Variants in ASIC2 observed in about 807,000 individuals in gnomAD.
ASIC2 encodes acid sensing ion channel subunit 2, also known as acid-sensing ion channel 2.
In ASIC2, 25 loss-of-function variants were observed where a neutral mutation model predicts 57.3. The observed-to-expected ratio is 0.44, with a 90% CI of 0.32 to 0.61. ASIC2 has a LOEUF of 0.61. Among genes scored for constraint, ASIC2 ranks in the 20% least tolerant of loss-of-function variants. The pLI is 0.06. For synonymous variants in ASIC2, 319 were observed against 307.5 expected, an observed-to-expected ratio of 1.04 and a Z score of -0.39; for missense variants, 641 against 738.1, an observed-to-expected ratio of 0.87 and a Z score of 1.52.
chr17:33,712,823 T>A (rs1022421873), intron 1 of ASIC2, among the ~76,000 whole-genome samples: 10 of 151,184 alleles, frequency 6.6e-5, no homozygotes, highest in African/African-American at 2.4e-4. Flanking sequence ...TTTTTTGTAT[T>A]TTTAGTAGAG....
intron 1 of ASIC2, among the ~76,000 whole-genome samples, chr17:34,135,021 A>G (rs1912089521): frequency 6.6e-6 from 1 of 152,256 alleles, no homozygotes; most frequent in African/African-American, 2.4e-5. Context: ...AAGACTGGTG[A>G]CTGTAGAGTG....
intron 1 of ASIC2, among the ~76,000 whole-genome samples, chr17:33,865,769 A>AC (rs1466969044): frequency 5.4e-4 from 43 of 79,420 alleles, no homozygotes; most frequent in Admixed American, 1.6e-3. Flanking sequence ...TAAAAAAAAA[A>AC]AACAAAAAAA....
rs186476858 is a variant in ASIC2, at chr17:34,080,170, G to T, written c.555+75808C>A. Among the ~76,000 whole-genome samples the T allele has an allele frequency of 1.0e-3, 152 of 152,290 alleles. 4 individuals carry two copies. The highest frequency in any genetic ancestry group is 3.5e-3 in the African/African-American group (144 of 41,550). On this transcript the variant is annotated intron_variant, in intron 1 of 9. Transcript: ENST00000359872. ...TAAAAGGGACCATTAATAGCCTCTT[G>T]AAAGGAAAAGAAAATACCACCAAAA...
intron 1 of ASIC2, among the ~76,000 whole-genome samples, chr17:33,249,054 G>A (rs967875771): frequency 6.6e-6 from 1 of 152,176 alleles, no homozygotes; most frequent in Non-Finnish European, 1.5e-5. Context: ...AACAGTGCAG[G>A]CTGTGAGACA....
intron 3 of ASIC2, among the ~76,000 whole-genome samples, chr17:33,036,164 A>G (rs561537628): frequency 6.6e-6 from 1 of 152,366 alleles, no homozygotes; most frequent in Admixed American, 6.5e-5. Context: ...GAAAACCAAA[A>G]GGCTTTATAC....
intron 1 of ASIC2, among the ~76,000 whole-genome samples, chr17:33,334,124 C>A (rs549968544): frequency 6.6e-6 from 1 of 152,308 alleles, no homozygotes; most frequent in Admixed American, 6.5e-5. Context: ...CAGCAGAATC[C>A]TTGTCTTAGG....
intron 1 of ASIC2, among the ~76,000 whole-genome samples, chr17:33,599,677 C>T (rs754227769): frequency 5.3e-5 from 8 of 152,194 alleles, no homozygotes; most frequent in Non-Finnish European, 1.2e-4. Context: ...ACCCAGGATA[C>T]TCTTCCCAGC....
At chr17:34,106,087 T>C (rs1017590712) in intron 1 of ASIC2, among the ~76,000 whole-genome samples, 1 of 152,076 alleles carries the variant, frequency 6.6e-6, no homozygotes. Context: ...TTTATGACAA[T>C]AACATTTTTG....
chr17:33,944,768 C>T (rs921114874), intron 1 of ASIC2, among the ~76,000 whole-genome samples: 5 of 152,228 alleles, frequency 3.3e-5, no homozygotes, highest in African/African-American at 1.2e-4. Context: ...TGCTACCAGA[C>T]TCAAGGCTGC....
intron 1 of ASIC2, among the ~76,000 whole-genome samples, chr17:33,422,380 C>G (rs533265381): frequency 1.3e-5 from 2 of 152,336 alleles, no homozygotes; most frequent in East Asian, 3.9e-4. Context: ...TAGAGTAGGG[C>G]ATGCCAGGTG....
chr17:33,225,945 T>C (rs1396033465), intron 1 of ASIC2, among the ~76,000 whole-genome samples: 1 of 152,228 alleles, frequency 6.6e-6, no homozygotes, highest in Non-Finnish European at 1.5e-5. Context: ...ATTTTTTTCA[T>C]TCATTTATCA....
chr17:33,432,485 C>A (rs1004189936), intron 1 of ASIC2, among the ~76,000 whole-genome samples: 4 of 152,192 alleles, frequency 2.6e-5, no homozygotes, highest in African/African-American at 9.7e-5. Flanking sequence ...GCCATGATCC[C>A]TACACTGCCT....
intron 3 of ASIC2, among the ~76,000 whole-genome samples, chr17:33,059,790 T>C (rs999416988): frequency 6.6e-6 from 1 of 152,250 alleles, no homozygotes; most frequent in African/African-American, 2.4e-5. Context: ...TGTAAAAGTG[T>C]TCCTATTTCT....
At chr17:33,976,930 C>T (rs1198215092) in intron 1 of ASIC2, among the ~76,000 whole-genome samples, 2 of 151,994 alleles carry the variant, frequency 1.3e-5, no homozygotes, top group African/African-American at 4.8e-5. Flanking sequence ...TTGACATTTT[C>T]CTGTGCGTCT....
intron 2 of ASIC2, 43 bp from the exon 3 acceptor site, chr17:33,089,033 A>T: frequency 1.2e-6 from 2 of 1,610,926 alleles, no homozygotes; most frequent in Non-Finnish European, 1.7e-6. Flanking sequence ...CAGTAACAAC[A>T]GATGCTCATG....
intron 3 of ASIC2, among the ~76,000 whole-genome samples, chr17:33,079,749 G>A (rs542525267): frequency 6.6e-5 from 10 of 152,084 alleles, no homozygotes; most frequent in East Asian, 1.9e-4. Context: ...GGGCACTTAC[G>A]GTATGCCAAC....
chr17:33,908,451 G>A (rs143741558), intron 1 of ASIC2, among the ~76,000 whole-genome samples: 225 of 152,268 alleles, frequency 1.5e-3, no homozygotes, highest in Non-Finnish European at 2.2e-3. Context: ...AAAAGCAGAG[G>A]GAAACGGAGA....
At chr17:33,729,603 G>A (rs1909675812) in intron 1 of ASIC2, among the ~76,000 whole-genome samples, 1 of 152,194 alleles carries the variant, frequency 6.6e-6, no homozygotes, top group Non-Finnish European at 1.5e-5. Context: ...CTAGAGGGCT[G>A]AATTTGGGGT....
intron 8 of ASIC2, among the ~76,000 whole-genome samples, 185 bp downstream of exon 8, chr17:33,017,420 A>G (rs573093514): frequency 6.6e-6 from 1 of 152,070 alleles, no homozygotes; most frequent in African/African-American, 2.4e-5. Context: ...CCGCCCCCCA[A>G]AAACCTCCCA....
Sources: allele counts gnomAD v4.1 joint callset (sites outside exome capture counted in the v4.1 genomes callset), GRCh38; gene constraint gnomAD v4.1.1; transcripts MANE v1.5; gene names NCBI Gene and HGNC (gene_info 2026-07-23, HGNC 2026-07-21).